ABTB3: variants seen among roughly 807,000 people sequenced by gnomAD.
ABTB3 encodes the protein ankyrin repeat- and BTB/POZ domain-containing protein 3.
chr12:107,507,970 A>G, the ABTB3 span, among the ~76,000 whole-genome samples: 1 of 152,232 alleles, frequency 6.6e-6, no homozygotes, highest in African/African-American at 2.4e-5. Context: ...CTATTCCACT[A>G]CATTGAGAGT....
chr12:107,646,179 A>G, the ABTB3 span, among the ~76,000 whole-genome samples: 1 of 152,244 alleles, frequency 6.6e-6, no homozygotes, highest in African/African-American at 2.4e-5. Context: ...GCAGGTTGGC[A>G]GCTGCCAAGA....
the ABTB3 span, among the ~76,000 whole-genome samples, chr12:107,354,472 A>T: frequency 6.6e-6 from 1 of 152,140 alleles, no homozygotes; most frequent in South Asian, 2.1e-4. Context: ...TCTATTCTGG[A>T]CATTTCATAG....
the ABTB3 span, among the ~76,000 whole-genome samples, chr12:107,440,383 G>T: frequency 7.9e-5 from 12 of 152,206 alleles, no homozygotes; most frequent in Non-Finnish European, 1.3e-4. Flanking sequence ...CTGCCTGGAA[G>T]GTTCTAACCT....
the ABTB3 span, among the ~76,000 whole-genome samples, chr12:107,391,740 G>A: frequency 3.9e-5 from 6 of 152,224 alleles, no homozygotes; most frequent in Non-Finnish European, 8.8e-5. Flanking sequence ...CAGTGTGCAT[G>A]TTGGTAGTGG....
chr12:107,551,856 G>A, the ABTB3 span, among the ~76,000 whole-genome samples: 1 of 151,922 alleles, frequency 6.6e-6, no homozygotes, highest in Non-Finnish European at 1.5e-5. Flanking sequence ...GGGTTCAAGT[G>A]ATTCTCGTGC....
At chr12:107,436,349 A>G in the ABTB3 span, among the ~76,000 whole-genome samples, 1 of 152,192 alleles carries the variant, frequency 6.6e-6, no homozygotes, top group Non-Finnish European at 1.5e-5. Flanking sequence ...GATGCCTAAG[A>G]GGCCTAATCA....
the ABTB3 span, among the ~76,000 whole-genome samples, chr12:107,502,837 T>G: frequency 3.3e-5 from 5 of 152,290 alleles, no homozygotes; most frequent in East Asian, 9.7e-4. Flanking sequence ...AGTTTCATCC[T>G]AAAACCATCC....
the ABTB3 span, among the ~76,000 whole-genome samples, chr12:107,449,732 C>T: frequency 3.3e-5 from 5 of 152,044 alleles, no homozygotes; most frequent in Non-Finnish European, 5.9e-5. Context: ...CTTACTGTAA[C>T]CTTGAATTCC....
At chr12:107,415,291 A>T in the ABTB3 span, among the ~76,000 whole-genome samples, 1,929 of 152,226 alleles carry the variant, frequency 0.013, 46 homozygotes, top group African/African-American at 0.043. Context: ...CATTTTAATT[A>T]TTTGAGTAGC....
At chr12:107,368,181 A>C in the ABTB3 span, among the ~76,000 whole-genome samples, 2 of 152,344 alleles carry the variant, frequency 1.3e-5, no homozygotes, top group Admixed American at 1.3e-4. Flanking sequence ...TCCCGTTAAT[A>C]AGAGTTTTGC....
the ABTB3 span, among the ~76,000 whole-genome samples, chr12:107,397,032 A>C: frequency 6.6e-6 from 1 of 152,246 alleles, no homozygotes; most frequent in Non-Finnish European, 1.5e-5. Context: ...CATTTTGATC[A>C]CTACGTGCGC....
At chr12:107,511,318 T>A in the ABTB3 span, among the ~76,000 whole-genome samples, 27,504 of 152,186 alleles carry the variant, frequency 0.18, 3,134 homozygotes, top group East Asian at 0.29. Context: ...CATATGCAGC[T>A]TAACAAACTA....
the ABTB3 span, among the ~76,000 whole-genome samples, chr12:107,477,014 A>C: frequency 6.6e-6 from 1 of 152,154 alleles, no homozygotes; most frequent in Non-Finnish European, 1.5e-5. Context: ...CAGCTTTTGG[A>C]AGAAATCCAC....
the ABTB3 span, among the ~76,000 whole-genome samples, chr12:107,549,674 C>T: frequency 1.3e-5 from 2 of 152,262 alleles, no homozygotes; most frequent in African/African-American, 4.8e-5. Flanking sequence ...CTCTCTAGCT[C>T]TGTTCCCCTG....
At chr12:107,371,831 G>A in the ABTB3 span, among the ~76,000 whole-genome samples, 10 of 152,168 alleles carry the variant, frequency 6.6e-5, no homozygotes, top group African/African-American at 2.4e-4. Flanking sequence ...GATCATGGCA[G>A]ACATAACTAA....
chr12:107,451,361 T>A, the ABTB3 span, among the ~76,000 whole-genome samples: 1 of 152,218 alleles, frequency 6.6e-6, no homozygotes, highest in South Asian at 2.1e-4. Flanking sequence ...GGCAGTGTTT[T>A]CTGAGACACC....
chr12:107,538,584 G>A, the ABTB3 span, among the ~76,000 whole-genome samples: 5 of 152,312 alleles, frequency 3.3e-5, no homozygotes, highest in South Asian at 1.0e-3. Flanking sequence ...CCAGGATTCT[G>A]TTGATTTCAG....
chr12:107,415,911 C>T, the ABTB3 span, among the ~76,000 whole-genome samples: 1 of 151,974 alleles, frequency 6.6e-6, no homozygotes, highest in South Asian at 2.1e-4. Context: ...TGGTTTGAGC[C>T]CACACTCTGA....
chr12:107,555,699 A>G, the ABTB3 span, among the ~76,000 whole-genome samples: 2 of 152,182 alleles, frequency 1.3e-5, no homozygotes, highest in African/African-American at 4.8e-5. Flanking sequence ...ACTCCTCTAT[A>G]CCATGCGCCT....
Sources: allele counts gnomAD v4.1 joint callset (sites outside exome capture counted in the v4.1 genomes callset), GRCh38; gene constraint gnomAD v4.1.1; transcripts MANE v1.5; gene names NCBI Gene and HGNC (gene_info 2026-07-23, HGNC 2026-07-21).